TNRC6C: variants seen among roughly 807,000 people sequenced by gnomAD.
TNRC6C encodes the protein trinucleotide repeat containing adaptor 6C.
In TNRC6C, 20 loss-of-function variants were observed where a neutral mutation model predicts 153.7. The ratio of observed to expected loss-of-function variants is 0.13; its 90% CI spans 0.09 to 0.19. The LOEUF (loss-of-function observed/expected upper bound fraction) is 0.19. Ranked by LOEUF, TNRC6C falls within the 10% of genes least tolerant of loss-of-function variation. TNRC6C has a pLI of 1.00. For missense variants in TNRC6C, 1,987 were observed against 2,172.0 expected (o/e 0.91, Z 1.69); for synonymous variants, 811 against 841.4 (o/e 0.96, Z 0.63).
chr17:78,021,367 C>T (rs1467556563), intron 1 of TNRC6C, among the ~76,000 whole-genome samples: 2 of 152,240 alleles, frequency 1.3e-5, no homozygotes, highest in African/African-American at 2.4e-5. Flanking sequence ...GCCTGATGTG[C>T]TTGTGCTCGT....
chr17:77,989,814 T>C (rs1187466854), intron 1 of TNRC6C, among the ~76,000 whole-genome samples: 1 of 152,212 alleles, frequency 6.6e-6, no homozygotes. Context: ...TATATGCTGT[T>C]GTTCCTTAAG....
intron 16 of TNRC6C, among the ~76,000 whole-genome samples, 169 bp downstream of exon 18, chr17:78,093,932 G>T (rs1393585595): frequency 6.6e-6 from 1 of 151,950 alleles, no homozygotes; most frequent in Non-Finnish European, 1.5e-5. Context: ...TAGTGCTTAT[G>T]GAGAAATGGA....
At chr17:78,015,644 G>T (rs1450269471) in intron 1 of TNRC6C, among the ~76,000 whole-genome samples, 1 of 152,188 alleles carries the variant, frequency 6.6e-6, no homozygotes, top group African/African-American at 2.4e-5. Context: ...AGGCACAGTG[G>T]CTCAGCCTGT....
chr17:78,074,745 C>A (rs1245480816), intron 7 of TNRC6C, among the ~76,000 whole-genome samples: 1 of 152,198 alleles, frequency 6.6e-6, no homozygotes, highest in African/African-American at 2.4e-5. Flanking sequence ...AAGAAAGCAA[C>A]CACTGAGCCC....
In TNRC6C at chr17:78,049,497, A is replaced by T. The variant is rs2072476526; in HGVS notation, c.435A>T (p.Thr145=). ...TGGGCAACCAGAACGGGAACCCAACAGGCACTTTAGGTGCTTGGGGAAACT... is the reference window on the plus strand; with the variant it reads ...TGGGCAACCAGAACGGGAACCCAACTGGCACTTTAGGTGCTTGGGGAAACT... The change falls in exon 3 of 20, where the codon ACA becomes ACT. Residue 145 remains threonine (T), a synonymous_variant. Transcript: ENST00000301624. The surrounding 1 kb of genome is among the most constrained non-coding windows in gnomAD (Gnocchi z 4.1). 3.7e-6 allele frequency: 6 copies of T among 1,614,058 alleles called. No homozygotes were observed. Among genetic ancestry groups the T allele is most frequent in the Non-Finnish European group, 5.1e-6 (6 of 1,179,894 alleles).
exon 3 of TNRC6C, chr17:78,050,862 A>G (rs778270833): frequency 6.2e-6 from 10 of 1,613,876 alleles, no homozygotes; most frequent in Non-Finnish European, 8.5e-6. Context: ...GAGATTGGGC[A>G]GATTCATCGT....
upstream of TNRC6C, among the ~76,000 whole-genome samples, chr17:77,958,736 C>G (rs1024235963): frequency 6.6e-6 from 1 of 151,094 alleles, no homozygotes; most frequent in Non-Finnish European, 1.5e-5. Context: ...GGTGGCAGCT[C>G]CGCACCTCAG....
chr17:77,975,915 T>C (rs1355778154), intron 1 of TNRC6C, among the ~76,000 whole-genome samples: 1 of 152,224 alleles, frequency 6.6e-6, no homozygotes, highest in East Asian at 1.9e-4. Flanking sequence ...CATTCCATGG[T>C]GTTATAAAAC....
intron 1 of TNRC6C, among the ~76,000 whole-genome samples, chr17:78,006,561 C>CTTCTT (rs1368496759): frequency 9.8e-5 from 11 of 112,136 alleles, no homozygotes; most frequent in South Asian, 3.1e-4. Context: ...TCTTCTTCTT[C>CTTCTT]CTTCTTCCTT....
At chr17:77,972,984 C>T (rs987138458) in intron 1 of TNRC6C, among the ~76,000 whole-genome samples, 1 of 152,244 alleles carries the variant, frequency 6.6e-6, no homozygotes, top group African/African-American at 2.4e-5. Flanking sequence ...CGGCTCACCA[C>T]AACCTCCGCC....
At chr17:78,052,485 C>T (rs1178767287) in intron 3 of TNRC6C, among the ~76,000 whole-genome samples, 3 of 152,198 alleles carry the variant, frequency 2.0e-5, no homozygotes, top group Admixed American at 2.0e-4. Context: ...TGGCAAACAA[C>T]ACACGAATTA....
At chr17:77,964,915 G>T (rs1367945077) in intron 1 of TNRC6C, among the ~76,000 whole-genome samples, 1 of 152,190 alleles carries the variant, frequency 6.6e-6, no homozygotes, top group Non-Finnish European at 1.5e-5. Context: ...GGGAGGCACA[G>T]TAAGGGAAGA....
At chr17:78,087,555 A>G (rs964476549) in intron 13 of TNRC6C, among the ~76,000 whole-genome samples, 3 of 152,156 alleles carry the variant, frequency 2.0e-5, no homozygotes, top group South Asian at 2.1e-4. Flanking sequence ...TCCATTGTCA[A>G]ATCTCCAAAG....
chr17:78,083,018 C>T (rs373249139), intron 10 of TNRC6C, 29 bp from the exon 13 acceptor site: 92 of 1,610,370 alleles, frequency 5.7e-5, no homozygotes, highest in South Asian at 2.8e-4. Context: ...AGAGATACAA[C>T]GGCTAATAGT....
intron 3 of TNRC6C, among the ~76,000 whole-genome samples, chr17:78,055,591 C>G (rs1177489231): frequency 6.6e-6 from 1 of 152,108 alleles, no homozygotes; most frequent in East Asian, 1.9e-4. Context: ...GTCAGTTGAC[C>G]AAACCGTCAT....
chr17:77,977,801 G>A (rs567901818), intron 1 of TNRC6C, among the ~76,000 whole-genome samples: 20 of 150,760 alleles, frequency 1.3e-4, no homozygotes, highest in Admixed American at 1.3e-3. Flanking sequence ...TCTAACTTTA[G>A]ATTTTTGTCA....
chr17:77,993,458 G>A (rs2071282851), intron 1 of TNRC6C, among the ~76,000 whole-genome samples: 2 of 152,186 alleles, frequency 1.3e-5, no homozygotes, highest in Admixed American at 1.3e-4. Context: ...CCAGGAAGTT[G>A]TTTAAGGGAC....
chr17:78,055,942 A>G (rs971888784), intron 3 of TNRC6C, among the ~76,000 whole-genome samples: 3 of 152,186 alleles, frequency 2.0e-5, no homozygotes, highest in South Asian at 4.1e-4. Context: ...AAAATATTAC[A>G]TCCATGACAC....
intron 1 of TNRC6C, among the ~76,000 whole-genome samples, chr17:77,969,277 G>C (rs2070922614): frequency 6.6e-6 from 1 of 150,876 alleles, no homozygotes; most frequent in African/African-American, 2.4e-5. Flanking sequence ...TTTTGAGGCA[G>C]AGTCTCGCTG....
Sources: gnomAD v4.1 joint callset for allele counts (sites outside exome capture counted in the v4.1 genomes callset) on GRCh38, gnomAD v4.1.1 for gene constraint, Gnocchi (gnomAD v3.1) non-coding constraint, MANE v1.5 for transcripts, NCBI Gene and HGNC (gene_info 2026-07-23, HGNC 2026-07-21) for gene names.